ARPC1B: variants seen among roughly 807,000 people sequenced by gnomAD.
The protein encoded by ARPC1B is actin-related protein 2/3 complex subunit 1B.
A neutral mutation model predicts 46.0 loss-of-function variants in ARPC1B; 29 were observed. That is an observed-to-expected ratio of 0.63 (90% CI 0.47 to 0.86). The LOEUF is 0.86. ARPC1B is among the 40% of genes least tolerant of loss of function. The pLI is 0.00. For synonymous variants in ARPC1B, 201 were observed against 213.9 expected, an observed-to-expected ratio of 0.94 and a Z score of 0.53; for missense variants, 469 against 529.4, an observed-to-expected ratio of 0.89 and a Z score of 1.12.
rs1794373978 is a variant in ARPC1B, at chr7:99,385,789, G to C, written c.64+11G>C. Reference sequence around the variant, plus strand: ...ACAAGGACCGCACCCGTGAGTGCTTGCTGGGGGCCGGTGGGTGGCTGCTTC... The same window carrying C: ...ACAAGGACCGCACCCGTGAGTGCTTCCTGGGGGCCGGTGGGTGGCTGCTTC... On this transcript the variant is annotated intron_variant, in intron 2 of 9. Transcript: ENST00000646101. The C allele has an allele frequency of 6.2e-7, 1 of 1,605,060 alleles. No individual in the cohort carries two copies. The highest frequency in any genetic ancestry group is 8.5e-7 in the Non-Finnish European group (1 of 1,177,504).
chr7:99,383,772 G>C (rs115324330), intron 1 of ARPC1B, among the ~76,000 whole-genome samples: 1 of 152,342 alleles, frequency 6.6e-6, no homozygotes, highest in African/African-American at 2.4e-5. Context: ...GTGCATGCCT[G>C]TGTGCCCCAG....
rs376033828 is a variant in ARPC1B, at chr7:99,394,389, C to T, written c.1081-62C>T. Reference sequence around the variant, plus strand: ...TGGGGCTGAGATGGGTGATCAGGTCCCTGGGAGTGGGGTGCCTGCAGGACA... The same window carrying T: ...TGGGGCTGAGATGGGTGATCAGGTCTCTGGGAGTGGGGTGCCTGCAGGACA... On this transcript the variant is annotated intron_variant, in intron 9 of 9. Transcript: ENST00000646101. 442 of 1,421,722 alleles carry T rather than the reference C, an allele frequency of 3.1e-4. 1 individual carries two copies. The highest frequency in any genetic ancestry group is 3.8e-4 in the Non-Finnish European group (383 of 1,006,392). The allele number at this position is 1,421,722 out of a possible 1,614,324, so 88.1% of individuals were successfully genotyped here. A position where few individuals can be genotyped will look rare whatever the true frequency, so the allele number is the denominator to read the frequency against.
rs557327907 is a variant in ARPC1B at position 99,385,702 on chromosome 7, G to C, written c.-13G>C. 57 of 1,607,000 alleles carry C rather than the reference G, an allele frequency of 3.5e-5. No individual in the cohort carries two copies. The South Asian group carries it at 5.8e-4, about 16-fold the overall frequency. Reference sequence around the variant, plus strand: ...TTCTCTCTTCCTCTCTCGGGCACAGGAGCCAAGCCGCCATGGCCTACCACA... The same window carrying C: ...TTCTCTCTTCCTCTCTCGGGCACAGCAGCCAAGCCGCCATGGCCTACCACA... On this transcript the variant is annotated splice_region_variant and 5_prime_UTR_variant, in exon 2 of 10. Coordinates refer to ENST00000646101, the MANE Select transcript of ARPC1B (RefSeq NM_005720.4).
intron 1 of ARPC1B, among the ~76,000 whole-genome samples, chr7:99,385,416 C>T (rs554383226): frequency 6.6e-6 from 1 of 152,082 alleles, no homozygotes; most frequent in Non-Finnish European, 1.5e-5. Context: ...GAGCATCTCC[C>T]CTGTAGTACC....
chr7:99,386,651 A>G (rs903695066), intron 2 of ARPC1B, 34 bp from the exon 3 acceptor site: 3 of 1,517,654 alleles, frequency 2.0e-6, no homozygotes, highest in Non-Finnish European at 2.7e-6. Flanking sequence ...AGTCATGGAG[A>G]GGGCCCCTCA....
chr7:99,385,578 G>A, intron 1 of ARPC1B, 124 bp from the exon 2 acceptor site: 1 of 782,356 alleles, frequency 1.3e-6, no homozygotes. Flanking sequence ...GCAAACTGCT[G>A]CCCCTCTAAA....
chr7:99,382,434 C>G (rs889182342), intron 1 of ARPC1B, among the ~76,000 whole-genome samples: 5 of 138,566 alleles, frequency 3.6e-5, no homozygotes, highest in Admixed American at 7.3e-5. Context: ...ACTTTTTTTT[C>G]TAGAGCTGGC....
chr7:99,392,844 G>A lies in ARPC1B; in HGVS notation c.957G>A (p.Ala319=), dbSNP rs947832461. Residue 319 remains alanine (A), a synonymous_variant, in exon 8 of 10, where the codon GCG becomes GCA. Transcript: ENST00000646101. ...CCGAGGGTGGCACGGCTGCGGGCGC[G>A]GGCCTAGACTCGCTGCACAAGAACA... ...ASSEGGTAAG[A]GLDSLHKNSV... is the part of the protein sequence containing the mutation. 2.1e-5 allele frequency: 32 copies of A among 1,548,808 alleles called. No homozygotes were observed. Among genetic ancestry groups the A allele is most frequent in the Non-Finnish European group, 2.8e-5 (32 of 1,145,982 alleles).
rs1370222926 is a variant in ARPC1B at position 99,391,226 on chromosome 7, C to T, written c.756C>T (p.Phe252=). 6.2e-7 allele frequency: 1 copy of T among 1,613,966 alleles called. No homozygotes were observed. Among genetic ancestry groups the T allele is most frequent in the Non-Finnish European group, 8.5e-7 (1 of 1,179,996 alleles). ...CACTACCACTGCTGGCGCTGACCTT[C>T]ATCACAGACAACAGCCTGGTGGCAG... ...SETLPLLALT[F]ITDNSLVAAG... The change falls in exon 7 of 10, where the codon TTC becomes TTT. Residue 252 remains phenylalanine (F), a synonymous_variant. Coordinates refer to ENST00000646101, the MANE Select transcript of ARPC1B (RefSeq NM_005720.4).
chr7:99,392,456 C>A (rs1334929802), intron 7 of ARPC1B, among the ~76,000 whole-genome samples: 1 of 152,210 alleles, frequency 6.6e-6, no homozygotes, highest in Non-Finnish European at 1.5e-5. Context: ...GCCTGAGCTC[C>A]CAGGGAGTCC....
At chr7:99,390,754 G>A (rs1794546440) in intron 5 of ARPC1B, 139 bp from the exon 6 acceptor site, 2 of 689,420 alleles carry the variant, frequency 2.9e-6, no homozygotes. Flanking sequence ...CTGGAGCACA[G>A]TAGCGCAATC....
chr7:99,394,015 C>G lies in ARPC1B; in HGVS notation c.990-14C>G, dbSNP rs1794674902. 6.2e-7 allele frequency: 1 copy of G among 1,611,936 alleles called. No individual in the cohort carries two copies. Among genetic ancestry groups the G allele is most frequent in the Non-Finnish European group, 8.5e-7 (1 of 1,179,974 alleles). On this transcript the variant is annotated splice_polypyrimidine_tract_variant and intron_variant, in intron 8 of 9. Coordinates refer to ENST00000646101, the MANE Select transcript of ARPC1B (RefSeq NM_005720.4). ...GCACAGGTTGAATTCATAAGCTCCT[C>G]TTCCTCTTTGCAGCCAGATCTCGGT...
chr7:99,385,564 C>A, intron 1 of ARPC1B, 138 bp from the exon 2 acceptor site: 1 of 709,582 alleles, frequency 1.4e-6, no homozygotes, highest in Non-Finnish European at 2.4e-6. Flanking sequence ...TGCTGCTCCT[C>A]TCTGCAAACT....
intron 5 of ARPC1B, 140 bp from the exon 6 acceptor site, chr7:99,390,753 A>G (rs1584410132): frequency 1.5e-6 from 1 of 687,240 alleles, no homozygotes; most frequent in Non-Finnish European, 2.4e-6. Context: ...ACTGGAGCAC[A>G]GTAGCGCAAT....
intron 2 of ARPC1B, 81 bp from the exon 3 acceptor site, chr7:99,386,604 G>C: frequency 2.8e-6 from 3 of 1,087,414 alleles, no homozygotes; most frequent in Admixed American, 3.4e-5. Flanking sequence ...AGGTGTTGTT[G>C]CCTAGGTGCA....
chr7:99,386,551 G>A (rs766750177), intron 2 of ARPC1B, 134 bp from the exon 3 acceptor site: 16 of 809,756 alleles, frequency 2.0e-5, no homozygotes, highest in Middle Eastern at 2.2e-4. Flanking sequence ...ACTTCAGGGG[G>A]CCCCTGCAAG....
rs757201463 is a variant in ARPC1B, at chr7:99,388,186, C to G, written c.317C>G (p.Pro106Arg). The change falls in exon 4 of 10, where the codon CCC becomes CGC. Residue 106 changes from proline to arginine, a missense_variant. Pro to Arg is a moderately radical substitution (Grantham distance 103, BLOSUM62 -2). Coordinates refer to ENST00000646101, the MANE Select transcript of ARPC1B (RefSeq NM_005720.4). The stretch of plus-strand genomic sequence containing the variant: ...GCTGCCCGCTGCGTGCGCTGGGCCC[C>G]CAACGAGAACAAGTTTGCTGTGGGC... Reference protein sequence around the residue: ...NRAARCVRWAPNENKFAVGSG... With the variant: ...NRAARCVRWARNENKFAVGSG... The G allele has an allele frequency of 1.2e-6, 2 of 1,614,242 alleles. No homozygotes were observed.
rs577201676 is a variant in ARPC1B at position 99,381,727 on chromosome 7, G to A, written c.-13-3975G>A. Among the ~76,000 whole-genome samples the A allele has an allele frequency of 8.5e-5, 13 of 152,338 alleles. No individual in the cohort carries two copies. In the South Asian group the frequency reaches 1.2e-3, roughly 15 times the overall value. ...GGACAGGGCCTTCCAGGCAGTGAGC[G>A]CAGGGGGCTTTGTGTTGTGACCTCG... is the stretch of plus-strand genomic sequence containing the variant. On this transcript the variant is annotated intron_variant, in intron 1 of 9. Transcript: ENST00000646101.
intron 1 of ARPC1B, among the ~76,000 whole-genome samples, chr7:99,375,329 C>G (rs541999385): frequency 2.0e-4 from 30 of 152,312 alleles, no homozygotes; most frequent in African/African-American, 7.2e-4. Flanking sequence ...CCGCCCCGCC[C>G]CTGCCCTCCT....
Sources: gnomAD v4.1 joint callset for allele counts (sites outside exome capture counted in the v4.1 genomes callset) on GRCh38, gnomAD v4.1.1 for gene constraint, MANE v1.5 for transcripts, NCBI Gene and HGNC (gene_info 2026-07-23, HGNC 2026-07-21) for gene names.